The following PYGO1 variants were observed in gnomAD, a reference collection of about 807,000 sequenced individuals.
PYGO1 encodes pygopus homolog 1.
A neutral mutation model predicts 29.5 loss-of-function variants in PYGO1; 6 were observed. The ratio of observed to expected loss-of-function variants is 0.20; its 90% CI spans 0.11 to 0.40. The LOEUF (loss-of-function observed/expected upper bound fraction) is 0.40, where lower values mean the gene tolerates loss of function less well. Among genes scored for constraint, PYGO1 ranks in the 10% least tolerant of loss-of-function variants. The probability of loss-of-function intolerance (pLI) is 1.00; values close to 1 mark genes in which losing one functional copy is unlikely to be tolerated. For synonymous variants in PYGO1, 186 were observed against 180.5 expected (o/e 1.03, Z -0.24); for missense variants, 515 against 514.9 (o/e 1.00, Z 0.00).
chr15:55,550,578 T>C (rs725150), intron 1 of PYGO1, among the ~76,000 whole-genome samples: 65,159 of 151,960 alleles, frequency 0.43, 15,504 homozygotes, highest in Non-Finnish European at 0.56. Flanking sequence ...TCCAATCCTC[T>C]AGGTTCTCAT....
At chr15:55,577,794 C>G (rs1381788251) in intron 1 of PYGO1, among the ~76,000 whole-genome samples, 1 of 128,276 alleles carries the variant, frequency 7.8e-6, no homozygotes, top group Non-Finnish European at 1.6e-5. Flanking sequence ...GAGACAGAGT[C>G]TCGCTCTATC....
intron 1 of PYGO1, among the ~76,000 whole-genome samples, chr15:55,571,474 TG>T (rs1387604836): frequency 1.3e-5 from 2 of 152,230 alleles, no homozygotes; most frequent in African/African-American, 4.8e-5. Context: ...GGGAGGGATC[TG>T]GTAGGAGGTA....
intron 1 of PYGO1, among the ~76,000 whole-genome samples, chr15:55,565,791 C>CTTTTTTTTTTTTTTTTTTTTTTTT (rs2058953829): frequency 3.3e-5 from 5 of 151,856 alleles, no homozygotes; most frequent in African/African-American, 1.2e-4. Context: ...GCCATTTTTT[C>CTTTTTTTTTTTTTTTTTTTTTTTT]TTTTCTTTTC....
chr15:55,557,999 G>T (rs2058914576), intron 1 of PYGO1, among the ~76,000 whole-genome samples: 1 of 152,124 alleles, frequency 6.6e-6, no homozygotes, highest in Admixed American at 6.5e-5. Flanking sequence ...TCTGGCCAGG[G>T]CAATCAGGCA....
chr15:55,579,885 A>G (rs2059018646), intron 1 of PYGO1, among the ~76,000 whole-genome samples: 1 of 152,230 alleles, frequency 6.6e-6, no homozygotes, highest in South Asian at 2.1e-4. Flanking sequence ...ATCTGTGAGC[A>G]AAACCACCTA....
chr15:55,555,322 C>T (rs2058899322), intron 1 of PYGO1, among the ~76,000 whole-genome samples: 1 of 151,814 alleles, frequency 6.6e-6, no homozygotes, highest in South Asian at 2.1e-4. Flanking sequence ...GGGAATTCGT[C>T]ACCACTGAGC....
intron 1 of PYGO1, among the ~76,000 whole-genome samples, chr15:55,562,208 G>A (rs139788985): frequency 0.028 from 4,239 of 152,240 alleles, 86 homozygotes; most frequent in Non-Finnish European, 0.042. Context: ...GCAAGGTTGC[G>A]GAGAAAAAGG....
Position 55,545,544 on chromosome 15 carries a change from TA to T in PYGO1, c.*478del, listed in dbSNP as rs2058845729. Reference sequence around the variant, plus strand: ...GAGGAGGAATCTGGTGTCATACTATTATTTTTTTAATCCATAAAAATGTATG... The same window carrying T: ...GAGGAGGAATCTGGTGTCATACTATTTTTTTTTAATCCATAAAAATGTATG... On this transcript the variant is annotated 3_prime_UTR_variant, in exon 3 of 3. Coordinates refer to ENST00000563719, the MANE Select transcript of PYGO1 (RefSeq NM_001367806.1). 1 of 152,596 alleles carries T rather than the reference TA, an allele frequency of 6.6e-6. No homozygotes were observed. The highest frequency in any genetic ancestry group is 6.5e-5 in the Admixed American group (1 of 15,306). The allele number at this position is 152,596 out of a possible 1,614,324, so 9.5% of individuals were successfully genotyped here. A position where few individuals can be genotyped will look rare whatever the true frequency, so the allele number is the denominator to read the frequency against.
chr15:55,553,196 G>C (rs1315731149), intron 1 of PYGO1, among the ~76,000 whole-genome samples: 2 of 152,210 alleles, frequency 1.3e-5, no homozygotes, highest in South Asian at 2.1e-4. Flanking sequence ...CTCCCTGTGG[G>C]AATTTCCAAG....
chr15:55,557,479 C>T (rs1405969369), intron 1 of PYGO1, among the ~76,000 whole-genome samples: 1 of 152,170 alleles, frequency 6.6e-6, no homozygotes, highest in Admixed American at 6.5e-5. Context: ...GGGAATCCTC[C>T]CCAACTCATT....
intron 1 of PYGO1, among the ~76,000 whole-genome samples, chr15:55,560,964 A>C (rs554881579): frequency 2.0e-5 from 3 of 152,020 alleles, no homozygotes; most frequent in African/African-American, 7.2e-5. Context: ...AAAACAAACA[A>C]ACAAACAAAC....
intron 1 of PYGO1, among the ~76,000 whole-genome samples, chr15:55,552,621 C>G (rs923052981): frequency 6.6e-6 from 1 of 152,042 alleles, no homozygotes; most frequent in Non-Finnish European, 1.5e-5. Context: ...GTGACCCCAT[C>G]CAGGAAACCA....
chr15:55,563,538 G>C (rs7175510), intron 1 of PYGO1, among the ~76,000 whole-genome samples: 57,277 of 151,830 alleles, frequency 0.38, 13,924 homozygotes, highest in Non-Finnish European at 0.55. Flanking sequence ...TTTTAGTAGA[G>C]ATGGGGTTTT....
chr15:55,557,283 AC>A (rs1284072897), intron 1 of PYGO1, among the ~76,000 whole-genome samples: 1 of 152,202 alleles, frequency 6.6e-6, no homozygotes, highest in Admixed American at 6.5e-5. Context: ...CCCTCCCAAG[AC>A]TAAACCAGGA....
chr15:55,543,447 C>G lies in PYGO1; in HGVS notation c.*2576G>C, dbSNP rs1056335927. 2 of 152,128 alleles carry G rather than the reference C, an allele frequency of 1.3e-5. No individual in the cohort carries two copies. The highest frequency in any genetic ancestry group is 3.8e-4 in the East Asian group (2 of 5,202). 9.4% of individuals were successfully genotyped at this position (152,128 alleles called of 1,614,324 possible). The stretch of plus-strand genomic sequence containing the variant: ...CTATCAGAATGAACCGTGAGTTTTT[C>G]TTTTGAATATTTACAGATTCTTATT... On this transcript the variant is annotated 3_prime_UTR_variant, in exon 3 of 3. Transcript: ENST00000563719.
In PYGO1 at chr15:55,539,869, G is replaced by A. The variant is rs993225355; in HGVS notation, c.*6154C>T. 2 of 152,056 alleles carry A rather than the reference G, an allele frequency of 1.3e-5. No individual in the cohort carries two copies. The highest frequency in any genetic ancestry group is 1.9e-4 in the East Asian group (1 of 5,188). 9.4% of individuals were successfully genotyped at this position (152,056 alleles called of 1,614,324 possible). A position where few individuals can be genotyped will look rare whatever the true frequency, so the allele number is the denominator to read the frequency against. On this transcript the variant is annotated 3_prime_UTR_variant, in exon 3 of 3. Coordinates refer to ENST00000563719, the MANE Select transcript of PYGO1 (RefSeq NM_001367806.1). ...TAGACATTTTGTAATATACATCACT[G>A]ACATAGTAAAACCTTATTAAGGATA...
chr15:55,539,460 G>A lies in PYGO1; in HGVS notation c.*6563C>T, dbSNP rs2058820073. 6.6e-6 allele frequency: 1 copy of A among 151,958 alleles called. No individual in the cohort carries two copies. Among genetic ancestry groups the A allele is most frequent in the African/African-American group, 2.4e-5 (1 of 41,410 alleles). 9.4% of individuals were successfully genotyped at this position (151,958 alleles called of 1,614,324 possible). On this transcript the variant is annotated 3_prime_UTR_variant, in exon 3 of 3. Coordinates refer to ENST00000563719, the MANE Select transcript of PYGO1 (RefSeq NM_001367806.1). ...CAAAAAAAAAAATAAACAATTTGGG[G>A]TAATCTAGTCATTTCATACTTTATT...
intron 1 of PYGO1, among the ~76,000 whole-genome samples, chr15:55,558,388 G>A (rs905146308): frequency 6.6e-6 from 1 of 151,938 alleles, no homozygotes; most frequent in African/African-American, 2.4e-5. Flanking sequence ...TCATGGATAG[G>A]AAGAATCAAT....
At chr15:55,569,684 G>C (rs957432878) in intron 1 of PYGO1, among the ~76,000 whole-genome samples, 1 of 152,054 alleles carries the variant, frequency 6.6e-6, no homozygotes, top group Non-Finnish European at 1.5e-5. Context: ...CAATTTTTTT[G>C]AATTTATTGA....
Sources: allele counts gnomAD v4.1 joint callset (sites outside exome capture counted in the v4.1 genomes callset), GRCh38; gene constraint gnomAD v4.1.1; transcripts MANE v1.5; gene names NCBI Gene and HGNC (gene_info 2026-07-23, HGNC 2026-07-21).